A1CF: variants seen among roughly 807,000 people sequenced by gnomAD.
A1CF encodes APOBEC-1 stimulating protein.
A neutral mutation model predicts 68.9 loss-of-function variants in A1CF; 48 were observed. That is an observed-to-expected ratio of 0.70 (90% CI 0.55 to 0.89). The LOEUF is 0.89. A1CF is among the 40% of genes least tolerant of loss of function. The probability of loss-of-function intolerance (pLI) is 0.00; values close to 1 mark genes in which losing one functional copy is unlikely to be tolerated. For synonymous variants in A1CF, 272 were observed against 260.4 expected, an observed-to-expected ratio of 1.04 and a Z score of -0.43; for missense variants, 653 against 718.9, an observed-to-expected ratio of 0.91 and a Z score of 1.05.
intron 6 of A1CF, among the ~76,000 whole-genome samples, chr10:50,832,363 C>T (rs1035286423): frequency 4.6e-5 from 7 of 152,162 alleles, no homozygotes; most frequent in African/African-American, 1.7e-4. Flanking sequence ...GACCTCTGGA[C>T]TACCTACCCT....
intron 1 of A1CF, among the ~76,000 whole-genome samples, chr10:50,878,899 C>T (rs1394781706): frequency 6.6e-6 from 1 of 152,080 alleles, no homozygotes; most frequent in African/African-American, 2.4e-5. Context: ...AAGTTAATTC[C>T]TTAAAGATCA....
intron 6 of A1CF, among the ~76,000 whole-genome samples, chr10:50,831,140 T>G (rs1230472408): frequency 6.6e-6 from 1 of 152,152 alleles, no homozygotes; most frequent in Non-Finnish European, 1.5e-5. Flanking sequence ...AATGTAAGAC[T>G]GGAAACAGTA....
chr10:50,828,247 G>A lies in A1CF; in HGVS notation c.653C>T (p.Pro218Leu). The A allele has an allele frequency of 1.2e-6, 2 of 1,606,752 alleles. No homozygotes were observed. The highest frequency in any genetic ancestry group is 1.7e-6 in the Non-Finnish European group (2 of 1,174,834). Residue 218 changes from proline (P) to leucine (L), a missense_variant, in exon 7 of 13, where the codon CCA becomes CTA. Physicochemically the swap from Pro to Leu is moderately conservative, Grantham distance 98 (BLOSUM62 -3). Coordinates refer to ENST00000373997, the MANE Select transcript of A1CF (RefSeq NM_014576.4). ...TGTATCTTCATCAACTTCTACTTCT[G>A]GCTCTGCCCAGTCTACTGCAATACC... is the stretch of plus-strand genomic sequence containing the variant. ...GHGIAVDWAE[P>L]EVEVDEDTMS...
At position 50,804,870 on chromosome 10, in the gene A1CF, T is replaced by G. The variant is rs1837749494; in HGVS notation, c.*1859A>C. 4 of 152,170 alleles carry G rather than the reference T, an allele frequency of 2.6e-5. No individual in the cohort carries two copies. 9.4% of individuals were successfully genotyped at this position (152,170 alleles called of 1,614,324 possible). The stretch of plus-strand genomic sequence containing the variant: ...TCACCTAGGGATCATTAAAAAATAC[T>G]GATGCCAGGCACCCATCCAAGGAAA... On this transcript the variant is annotated 3_prime_UTR_variant, in exon 13 of 13. Coordinates refer to ENST00000373997, the MANE Select transcript of A1CF (RefSeq NM_014576.4).
At chr10:50,849,858 A>G (rs930639212) in intron 3 of A1CF, among the ~76,000 whole-genome samples, 19 of 144,144 alleles carry the variant, frequency 1.3e-4, no homozygotes, top group African/African-American at 4.6e-4. Flanking sequence ...CAGTGGCGCA[A>G]TCTCAGCTCA....
intron 12 of A1CF, among the ~76,000 whole-genome samples, chr10:50,809,682 C>T (rs527268941): frequency 7.2e-5 from 11 of 152,198 alleles, no homozygotes; most frequent in Admixed American, 1.3e-4. Flanking sequence ...AAAGCTGAGC[C>T]GAGACCAGAA....
intron 12 of A1CF, among the ~76,000 whole-genome samples, chr10:50,809,080 C>G (rs992270006): frequency 1.3e-5 from 2 of 151,764 alleles, no homozygotes; most frequent in Admixed American, 1.3e-4. Flanking sequence ...TGCCTGGTCC[C>G]CTTCAATCTC....
Position 50,836,080 on chromosome 10 carries a change from G to C in A1CF, c.598C>G (p.Leu200Val). 6.2e-7 allele frequency: 1 copy of C among 1,606,058 alleles called. No individual in the cohort carries two copies. Among genetic ancestry groups the C allele is most frequent in the Non-Finnish European group, 8.5e-7 (1 of 1,175,792 alleles). The change falls in exon 6 of 13, where the codon CTA becomes GTA. Residue 200 changes from leucine to valine, a missense_variant. Physicochemically the swap from Leu to Val is conservative, Grantham distance 32. Coordinates refer to ENST00000373997, the MANE Select transcript of A1CF (RefSeq NM_014576.4). Reference sequence around the variant, plus strand: ...TGAGGAGGGGATTGCTAACCTGGTAGCAGTTTCCTCCTCGCCATGGCAGCT... The same window carrying C: ...TGAGGAGGGGATTGCTAACCTGGTACCAGTTTCCTCCTCGCCATGGCAGCT... ...RAAAMARRKLLPGRIQLWGHG... is the reference protein window; with the variant it reads ...RAAAMARRKLVPGRIQLWGHG...
intron 1 of A1CF, among the ~76,000 whole-genome samples, chr10:50,865,623 C>T (rs1173913253): frequency 6.6e-6 from 1 of 152,178 alleles, no homozygotes; most frequent in African/African-American, 2.4e-5. Flanking sequence ...TTCACATGCC[C>T]TGCCACTTGG....
intron 3 of A1CF, among the ~76,000 whole-genome samples, chr10:50,847,653 A>G (rs535581254): frequency 1.3e-5 from 2 of 152,334 alleles, no homozygotes; most frequent in Non-Finnish European, 2.9e-5. Flanking sequence ...GCCTTCTCCT[A>G]TAGAACTTAA....
chr10:50,835,972 C>CG lies in A1CF; in HGVS notation c.604+101dup, dbSNP rs1438023141. The stretch of plus-strand genomic sequence containing the variant: ...GAAGGATAAAAAATTTAAAATACAG[C>CG]GTAATGAAAGATAGCCAAAAAAAAT... On this transcript the variant is annotated intron_variant, in intron 6 of 12. Coordinates refer to ENST00000373997, the MANE Select transcript of A1CF (RefSeq NM_014576.4). 7.5e-6 allele frequency: 8 copies of CG among 1,066,896 alleles called. No individual in the cohort carries two copies. The African/African-American group carries it at 1.3e-4, about 17-fold the overall frequency. The allele number at this position is 1,066,896 out of a possible 1,614,324, so 66.1% of individuals were successfully genotyped here. A position where few individuals can be genotyped will look rare whatever the true frequency, so the allele number is the denominator to read the frequency against.
At chr10:50,846,437 G>A (rs976828850) in intron 3 of A1CF, among the ~76,000 whole-genome samples, 4 of 152,050 alleles carry the variant, frequency 2.6e-5, no homozygotes, top group Non-Finnish European at 4.4e-5. Context: ...TTTCCATTTC[G>A]GTGATAATGA....
intron 8 of A1CF, among the ~76,000 whole-genome samples, chr10:50,817,649 A>G (rs1188986415): frequency 6.6e-6 from 1 of 152,180 alleles, no homozygotes; most frequent in African/African-American, 2.4e-5. Flanking sequence ...GATTCTTTAT[A>G]TCTTCAGTCC....
chr10:50,885,535 G>A (rs1841966198), intron 1 of A1CF, 46 bp downstream of exon 1: 1 of 152,142 alleles, frequency 6.6e-6, no homozygotes, highest in Non-Finnish European at 1.5e-5. Context: ...ACAATACACA[G>A]TTTCACAGAG....
At position 50,877,536 on chromosome 10, in the gene A1CF, C is replaced by T. The variant is rs114864489; in HGVS notation, c.-94+8045G>A. Among the ~76,000 whole-genome samples the T allele has an allele frequency of 4.0e-3, 604 of 152,234 alleles. 3 individuals carry two copies. The highest frequency in any genetic ancestry group is 0.013 in the African/African-American group (560 of 41,536). On this transcript the variant is annotated intron_variant, in intron 1 of 12. Coordinates refer to ENST00000373997, the MANE Select transcript of A1CF (RefSeq NM_014576.4). ...CATCTAAAGCTCTGTGTTACAGTGG[C>T]ACAGAAGCAATCTGACACTTGTAAG...
chr10:50,802,110 G>A lies in A1CF; in HGVS notation c.*4619C>T, dbSNP rs1250579105. 2 of 152,112 alleles carry A rather than the reference G, an allele frequency of 1.3e-5. No homozygotes were observed. The highest frequency in any genetic ancestry group is 2.4e-5 in the African/African-American group (1 of 41,424). The allele number at this position is 152,112 out of a possible 1,614,324, so 9.4% of individuals were successfully genotyped here. ...TTAAATATTTTACTTTTTAAGAGAGGGAATGGGAGTCAGAAAAATCTCATT... is the reference window on the plus strand; with the variant it reads ...TTAAATATTTTACTTTTTAAGAGAGAGAATGGGAGTCAGAAAAATCTCATT... On this transcript the variant is annotated 3_prime_UTR_variant, in exon 13 of 13. Coordinates refer to ENST00000373997, the MANE Select transcript of A1CF (RefSeq NM_014576.4).
intron 6 of A1CF, among the ~76,000 whole-genome samples, chr10:50,832,287 C>T (rs997952051): frequency 4.6e-5 from 7 of 152,182 alleles, no homozygotes; most frequent in African/African-American, 1.7e-4. Context: ...CTGGCAAATG[C>T]TACAAATCAG....
chr10:50,863,696 A>C (rs1365442261), intron 2 of A1CF, among the ~76,000 whole-genome samples: 1 of 152,168 alleles, frequency 6.6e-6, no homozygotes. Flanking sequence ...ATGGAGGTTA[A>C]AAGTAGAAAG....
intron 3 of A1CF, among the ~76,000 whole-genome samples, chr10:50,848,030 A>G (rs956887208): frequency 3.9e-5 from 6 of 152,164 alleles, no homozygotes; most frequent in Admixed American, 2.0e-4. Context: ...ACAGCAAAAA[A>G]CAACAACTAT....
Sources: allele counts gnomAD v4.1 joint callset (sites outside exome capture counted in the v4.1 genomes callset), GRCh38; gene constraint gnomAD v4.1.1; transcripts MANE v1.5; gene names NCBI Gene and HGNC (gene_info 2026-07-23, HGNC 2026-07-21).